The following MSR1 variants were observed in gnomAD, a reference collection of about 807,000 sequenced individuals.
The protein encoded by MSR1 is macrophage scavenger receptor types I and II.
MSR1 carries 53 observed loss-of-function variants against 47.2 expected under a neutral mutation model. The ratio of observed to expected loss-of-function variants is 1.12; its 90% CI spans 0.90 to 1.41. The LOEUF is 1.41. MSR1 is among the 40% of genes most tolerant of loss of function. The pLI, the probability that MSR1 is intolerant of heterozygous loss-of-function variation, is 0.00. For synonymous variants in MSR1, 239 were observed against 185.6 expected, an observed-to-expected ratio of 1.29 and a Z score of -2.34; for missense variants, 786 against 546.9, an observed-to-expected ratio of 1.44 and a Z score of -4.36.
At chr8:16,189,251 A>G (rs1334486383) in intron 1 of MSR1, among the ~76,000 whole-genome samples, 1 of 107,888 alleles carries the variant, frequency 9.3e-6, no homozygotes, top group African/African-American at 4.7e-5. Flanking sequence ...ATATTTAGAT[A>G]TAATCTTATT....
intron 3 of MSR1, among the ~76,000 whole-genome samples, chr8:16,170,908 C>T (rs1443286906): frequency 6.6e-6 from 1 of 152,280 alleles, no homozygotes; most frequent in South Asian, 2.1e-4. Context: ...ATAGGCATAT[C>T]TATTCCTCTA....
intron 8 of MSR1, chr8:16,141,031 T>C: frequency 6.2e-7 from 1 of 1,613,448 alleles, no homozygotes; most frequent in Non-Finnish European, 8.5e-7. Context: ...ATATGATCAG[T>C]GAGTTGTACT....
intron 1 of MSR1, among the ~76,000 whole-genome samples, chr8:16,185,805 C>T (rs1436844621): frequency 2.1e-5 from 3 of 146,058 alleles, no homozygotes; most frequent in Admixed American, 7.0e-5. Flanking sequence ...AACAAAGAAT[C>T]GTAGGGAAAA....
intron 1 of MSR1, among the ~76,000 whole-genome samples, chr8:16,187,466 G>A (rs752272285): frequency 6.0e-5 from 9 of 150,442 alleles, no homozygotes; most frequent in Non-Finnish European, 1.0e-4. Flanking sequence ...ACCCCTTGGG[G>A]CTTTGTCTTC....
At chr8:16,165,309 T>C (rs1056661770) in intron 4 of MSR1, among the ~76,000 whole-genome samples, 1 of 152,138 alleles carries the variant, frequency 6.6e-6, no homozygotes, top group African/African-American at 2.4e-5. Flanking sequence ...TATTTAAGTT[T>C]GCATAGTAAG....
rs150184425 is a variant in MSR1 at position 16,166,866 on chromosome 8, C to T, written c.630+1592G>A. ...TTATTCCTACATTGAGCTAAAGATT[C>T]AAAGGTCAATAAAATTATTCAAGCA... On this transcript the variant is annotated intron_variant, in intron 4 of 9. Transcript: ENST00000262101. Among the ~76,000 whole-genome samples the T allele has an allele frequency of 2.0e-5, 3 of 151,886 alleles. No homozygotes were observed. In the East Asian group the frequency reaches 5.8e-4, roughly 30 times the overall value.
At chr8:16,156,940 C>T (rs1038337111) in intron 5 of MSR1, among the ~76,000 whole-genome samples, 2 of 151,858 alleles carry the variant, frequency 1.3e-5, no homozygotes, top group Non-Finnish European at 2.9e-5. Flanking sequence ...TAACCATGAA[C>T]GCAGCTGCAT....
At chr8:16,160,005 T>A (rs1183090687) in intron 5 of MSR1, among the ~76,000 whole-genome samples, 1 of 151,958 alleles carries the variant, frequency 6.6e-6, no homozygotes, top group Non-Finnish European at 1.5e-5. Flanking sequence ...AAATATTTGA[T>A]ATACAAAAAA....
At chr8:16,154,925 T>C in intron 6 of MSR1, 139 bp downstream of exon 6, 1 of 702,346 alleles carries the variant, frequency 1.4e-6, no homozygotes, top group South Asian at 1.6e-5. Flanking sequence ...TATACACACA[T>C]GTGCGTGCAT....
chr8:16,180,777 G>A (rs1160834013), intron 1 of MSR1, among the ~76,000 whole-genome samples: 1 of 152,174 alleles, frequency 6.6e-6, no homozygotes, highest in Non-Finnish European at 1.5e-5. Flanking sequence ...ATATCACTAA[G>A]AAGATTCTTT....
chr8:16,115,576 A>ATGT (rs1170031237), intron 9 of MSR1, among the ~76,000 whole-genome samples: 2 of 152,194 alleles, frequency 1.3e-5, no homozygotes, highest in African/African-American at 4.8e-5. Context: ...AGAACAAATA[A>ATGT]TGTTGGTTCT....
chr8:16,179,363 T>C (rs1248335338), intron 1 of MSR1, among the ~76,000 whole-genome samples: 1 of 152,164 alleles, frequency 6.6e-6, no homozygotes, highest in Non-Finnish European at 1.5e-5. Flanking sequence ...TCCACAATGT[T>C]TAAATCCATT....
chr8:16,162,283 A>G (rs572429277), intron 5 of MSR1, among the ~76,000 whole-genome samples: 1 of 152,154 alleles, frequency 6.6e-6, no homozygotes, highest in South Asian at 2.1e-4. Context: ...TGTCAACCTA[A>G]TAAGTGTGTA....
chr8:16,170,886 A>C (rs1801465421), intron 3 of MSR1, among the ~76,000 whole-genome samples: 2 of 152,196 alleles, frequency 1.3e-5, no homozygotes, highest in Non-Finnish European at 2.9e-5. Context: ...AGTGGTGCTG[A>C]ACACTAATTA....
chr8:16,186,791 C>A (rs1258985865), intron 1 of MSR1, among the ~76,000 whole-genome samples: 1 of 119,658 alleles, frequency 8.4e-6, no homozygotes, highest in Non-Finnish European at 1.7e-5. Flanking sequence ...GCCACCATGC[C>A]CATCTAGAGA....
chr8:16,160,259 C>A (rs746822867), intron 5 of MSR1, among the ~76,000 whole-genome samples: 1 of 151,848 alleles, frequency 6.6e-6, no homozygotes, highest in Non-Finnish European at 1.5e-5. Flanking sequence ...AAAGAAATGA[C>A]AAAGGAACAG....
intron 8 of MSR1, among the ~76,000 whole-genome samples, chr8:16,130,413 C>T (rs187500593): frequency 2.6e-5 from 4 of 152,124 alleles, no homozygotes; most frequent in Admixed American, 6.6e-5. Context: ...TTCTTCTGCC[C>T]CCACTTAGAT....
At chr8:16,138,474 T>A (rs1023765401) in intron 8 of MSR1, among the ~76,000 whole-genome samples, 2 of 152,206 alleles carry the variant, frequency 1.3e-5, no homozygotes, top group Non-Finnish European at 2.9e-5. Flanking sequence ...GCATTCAGCA[T>A]CCATTTTTTG....
At chr8:16,116,076 G>C (rs183503076) in intron 9 of MSR1, among the ~76,000 whole-genome samples, 5 of 152,132 alleles carry the variant, frequency 3.3e-5, no homozygotes, top group Non-Finnish European at 7.4e-5. Context: ...ATGTAATAGC[G>C]ATCTCACTCT....
Sources: allele counts gnomAD v4.1 joint callset (sites outside exome capture counted in the v4.1 genomes callset), GRCh38; gene constraint gnomAD v4.1.1; transcripts MANE v1.5; gene names NCBI Gene and HGNC (gene_info 2026-07-23, HGNC 2026-07-21).